The following SLC9A9 variants were observed in gnomAD, a reference collection of about 807,000 sequenced individuals.
SLC9A9 encodes solute carrier family 9 member A9.
SLC9A9 carries 62 observed loss-of-function variants against 77.8 expected under a neutral mutation model. The observed-to-expected ratio is 0.80, with a 90% CI of 0.65 to 0.98. The LOEUF (loss-of-function observed/expected upper bound fraction) is 0.98. Ranked by LOEUF, SLC9A9 falls within the 50% of genes least tolerant of loss-of-function variation. SLC9A9 has a pLI of 0.00. For synonymous variants in SLC9A9, 320 were observed against 283.5 expected, an observed-to-expected ratio of 1.13 and a Z score of -1.29; for missense variants, 775 against 774.9, an observed-to-expected ratio of 1.00 and a Z score of 0.00.
At chr3:143,397,456 G>T (rs2033755285) in intron 12 of SLC9A9, among the ~76,000 whole-genome samples, 2 of 152,194 alleles carry the variant, frequency 1.3e-5, no homozygotes, top group Admixed American at 1.3e-4. Flanking sequence ...TTATATGTTG[G>T]TATGAAACCA....
At position 143,723,110 on chromosome 3, in the gene SLC9A9, A is replaced by G. The variant is rs79345123; in HGVS notation, c.534-29803T>C. On this transcript the variant is annotated intron_variant, in intron 4 of 15. Coordinates refer to ENST00000316549, the MANE Select transcript of SLC9A9 (RefSeq NM_173653.4). ...AGGCTGATTTAGTTCTGGTACCCCT[A>G]CAGATAAGTAAACCCAACAACACAT... 7.1e-3 allele frequency among the ~76,000 whole-genome samples: 1,080 copies of G among 152,226 alleles called. 10 individuals are homozygous for G. Among genetic ancestry groups the G allele is most frequent in the African/African-American group, 0.025 (1,042 of 41,524 alleles).
At position 143,627,615 on chromosome 3, in the gene SLC9A9, G is replaced by A. The variant is rs561640578; in HGVS notation, c.755+24640C>T. 9.9e-5 allele frequency: 31 copies of A among 311,764 alleles called. 1 individual carries two copies. Among genetic ancestry groups the A allele is most frequent in the Non-Finnish European group, 1.2e-5 (2 of 161,722 alleles). The allele number at this position is 311,764 out of a possible 1,614,324, so 19.3% of individuals were successfully genotyped here. ...TCTCACTAACAAAATGAAATTGGAA[G>A]AGCCAAAGATCCCAAAGGACTGTGC... On this transcript the variant is annotated intron_variant, in intron 6 of 15. Coordinates refer to ENST00000316549, the MANE Select transcript of SLC9A9 (RefSeq NM_173653.4).
intron 9 of SLC9A9, among the ~76,000 whole-genome samples, chr3:143,508,828 T>C (rs2108603116): frequency 6.6e-6 from 1 of 152,316 alleles, no homozygotes; most frequent in Admixed American, 6.5e-5. Flanking sequence ...TATTTTACAA[T>C]TTAGAAGGTG....
intron 12 of SLC9A9, among the ~76,000 whole-genome samples, chr3:143,419,508 G>A (rs969534322): frequency 2.6e-5 from 4 of 152,022 alleles, no homozygotes; most frequent in African/African-American, 7.3e-5. Context: ...TACCTCTAAC[G>A]GTGCTATCTC....
At chr3:143,559,903 A>G (rs2037051856) in intron 8 of SLC9A9, among the ~76,000 whole-genome samples, 1 of 152,228 alleles carries the variant, frequency 6.6e-6, no homozygotes, top group Non-Finnish European at 1.5e-5. Flanking sequence ...CCCAAGCGAC[A>G]GAGCAGTTCA....
intron 14 of SLC9A9, among the ~76,000 whole-genome samples, chr3:143,271,308 GCAGGCTC>G (rs2108397638): frequency 6.6e-6 from 1 of 152,276 alleles, no homozygotes; most frequent in East Asian, 1.9e-4. Context: ...CTCCCTCTGT[GCAGGCTC>G]CAGGATTTTG....
At chr3:143,409,035 A>T (rs1223974087) in intron 12 of SLC9A9, among the ~76,000 whole-genome samples, 10 of 152,222 alleles carry the variant, frequency 6.6e-5, no homozygotes, top group Non-Finnish European at 1.5e-5. Flanking sequence ...GGGATCAGAA[A>T]TACCAGTTTT....
intron 12 of SLC9A9, among the ~76,000 whole-genome samples, chr3:143,434,596 T>C (rs539120843): frequency 5.0e-4 from 76 of 152,212 alleles, no homozygotes; most frequent in Non-Finnish European, 8.4e-4. Flanking sequence ...TTCCACTCCT[T>C]ATTTCTCCAG....
chr3:143,289,576 C>T (rs550000726), intron 14 of SLC9A9, among the ~76,000 whole-genome samples: 4 of 152,170 alleles, frequency 2.6e-5, no homozygotes, highest in African/African-American at 7.2e-5. Flanking sequence ...GGTGCTACCT[C>T]CAACTCTTTC....
intron 11 of SLC9A9, among the ~76,000 whole-genome samples, chr3:143,479,694 T>C (rs1285930586): frequency 6.6e-6 from 1 of 151,844 alleles, no homozygotes; most frequent in Non-Finnish European, 1.5e-5. Context: ...ATGTCACTAA[T>C]GATTGTCCTT....
chr3:143,687,046 G>A (rs1423794040), intron 5 of SLC9A9, among the ~76,000 whole-genome samples: 1 of 152,176 alleles, frequency 6.6e-6, no homozygotes, highest in East Asian at 1.9e-4. Flanking sequence ...AAGTGCTGAT[G>A]ATGACCTTTC....
At chr3:143,539,259 TC>T (rs1373727745) in intron 9 of SLC9A9, among the ~76,000 whole-genome samples, 1 of 152,212 alleles carries the variant, frequency 6.6e-6, no homozygotes, top group Non-Finnish European at 1.5e-5. Flanking sequence ...TTGTTAGATT[TC>T]CCTCTCGGGT....
rs567606832 is a variant in SLC9A9, at chr3:143,845,529, C to T, written c.175+2619G>A. ...ACTTTCAGAAAACACAGGGAGAGTT[C>T]TTTCAGGTGAACGTGAACCTTAGTA... On this transcript the variant is annotated intron_variant, in intron 1 of 15. Transcript: ENST00000316549. Among the ~76,000 whole-genome samples, 3 of 152,270 alleles carry T rather than the reference C, an allele frequency of 2.0e-5. No individual in the cohort carries two copies. The South Asian group carries it at 6.2e-4, about 32-fold the overall frequency.
Position 143,559,975 on chromosome 3 carries a change from CT to C in SLC9A9, c.1001-7526del, listed in dbSNP as rs560336624. On this transcript the variant is annotated intron_variant, in intron 8 of 15. Coordinates refer to ENST00000316549, the MANE Select transcript of SLC9A9 (RefSeq NM_173653.4). ...TTACTGCTGTTTCTTACCACTTTGC[CT>C]TGCCTGTTCTTGTCACTCCCAGGCT... Among the ~76,000 whole-genome samples, 284 of 152,328 alleles carry C rather than the reference CT, an allele frequency of 1.9e-3. 1 individual carries two copies. Among genetic ancestry groups the C allele is most frequent in the South Asian group, 3.7e-3 (18 of 4,830 alleles).
At chr3:143,583,601 A>G (rs2037492298) in intron 6 of SLC9A9, among the ~76,000 whole-genome samples, 1 of 152,208 alleles carries the variant, frequency 6.6e-6, no homozygotes. Context: ...TATTGAAACC[A>G]CTTTTATCTC....
chr3:143,548,768 T>C (rs1367794052), intron 9 of SLC9A9, among the ~76,000 whole-genome samples: 6 of 152,164 alleles, frequency 3.9e-5, no homozygotes, highest in Non-Finnish European at 7.3e-5. Context: ...AAACATATCT[T>C]AAAATGAAAA....
chr3:143,728,645 C>T (rs1202516183), intron 4 of SLC9A9, among the ~76,000 whole-genome samples: 1 of 152,024 alleles, frequency 6.6e-6, no homozygotes, highest in Non-Finnish European at 1.5e-5. Flanking sequence ...AGTGGAAGCG[C>T]AGAGGCCACG....
At chr3:143,451,448 A>T (rs1207787860) in intron 12 of SLC9A9, among the ~76,000 whole-genome samples, 1 of 152,212 alleles carries the variant, frequency 6.6e-6, no homozygotes, top group Non-Finnish European at 1.5e-5. Context: ...TGGATTTTAC[A>T]CAGTCATTTT....
chr3:143,385,096 G>A lies in SLC9A9; in HGVS notation c.1470-2982C>T, dbSNP rs149411537. Among the ~76,000 whole-genome samples the A allele has an allele frequency of 4.1e-3, 624 of 152,150 alleles. 4 individuals are homozygous for A. Among genetic ancestry groups the A allele is most frequent in the African/African-American group, 0.014 (595 of 41,504 alleles). ...TGCTTCTTTATAATGATTTCCAAGA[G>A]GTGTATGAACCTTTTTATGATCACG... On this transcript the variant is annotated intron_variant, in intron 12 of 15. Coordinates refer to ENST00000316549, the MANE Select transcript of SLC9A9 (RefSeq NM_173653.4).
Sources: gnomAD v4.1 joint callset for allele counts (sites outside exome capture counted in the v4.1 genomes callset) on GRCh38, gnomAD v4.1.1 for gene constraint, MANE v1.5 for transcripts, NCBI Gene and HGNC (gene_info 2026-07-23, HGNC 2026-07-21) for gene names.